The following FER variants were observed in gnomAD, a reference collection of about 807,000 sequenced individuals.
The protein encoded by FER is FER tyrosine kinase.
FER carries 63 observed loss-of-function variants against 111.0 expected under a neutral mutation model. That is an observed-to-expected ratio of 0.57 (90% CI 0.46 to 0.70). The LOEUF is 0.70. Among genes scored for constraint, FER ranks in the 30% least tolerant of loss-of-function variants. The pLI, the probability that FER is intolerant of heterozygous loss-of-function variation, is 0.00. For synonymous variants in FER, 327 were observed against 313.9 expected, an observed-to-expected ratio of 1.04 and a Z score of -0.44; for missense variants, 914 against 954.0, an observed-to-expected ratio of 0.96 and a Z score of 0.55.
chr5:108,819,700 T>C lies in FER; in HGVS notation c.208-13070T>C, dbSNP rs939242251. 4.1e-6 allele frequency: 3 copies of C among 723,818 alleles called. No homozygotes were observed. The African/African-American group carries it at 5.8e-5, about 14-fold the overall frequency. 44.8% of individuals were successfully genotyped at this position (723,818 alleles called of 1,614,324 possible). ...TAATAGGAGTCAGGTTGGAAAGAACTAATGGAGACCATCAATTCCACCTGT... is the reference window on the plus strand; with the variant it reads ...TAATAGGAGTCAGGTTGGAAAGAACCAATGGAGACCATCAATTCCACCTGT... On this transcript the variant is annotated intron_variant, in intron 3 of 19. Transcript: ENST00000281092.
intron 5 of FER, among the ~76,000 whole-genome samples, chr5:108,849,463 G>GTTGTTGTTTTGTT (rs1762338235): frequency 1.3e-5 from 2 of 150,166 alleles, no homozygotes; most frequent in African/African-American, 4.9e-5. Context: ...TTTTGTTGTT[G>GTTGTTGTTTTGTT]TTGTTGTTGT....
chr5:108,793,984 A>G (rs958228427), intron 2 of FER, among the ~76,000 whole-genome samples: 1 of 152,034 alleles, frequency 6.6e-6, no homozygotes, highest in Non-Finnish European at 1.5e-5. Flanking sequence ...TCATTGTACT[A>G]TGTCTTGAAA....
intron 16 of FER, among the ~76,000 whole-genome samples, chr5:109,093,260 G>T (rs900055224): frequency 7.2e-5 from 11 of 152,080 alleles, no homozygotes; most frequent in Non-Finnish European, 8.8e-5. Context: ...AATTTATGTG[G>T]TTTTTACCAC....
chr5:109,059,384 T>C lies in FER; in HGVS notation c.1924+12186T>C, dbSNP rs374510784. Among the ~76,000 whole-genome samples the C allele has an allele frequency of 5.9e-3, 879 of 148,872 alleles. 5 individuals are homozygous for C. Among genetic ancestry groups the C allele is most frequent in the African/African-American group, 0.021 (838 of 40,704 alleles). ...CTAAAAAAAAAAAAAAAAAATTAGC[T>C]GGGTGTGGTGGCGCACGCCTGTAGT... is the stretch of plus-strand genomic sequence containing the variant. On this transcript the variant is annotated intron_variant, in intron 16 of 19. Transcript: ENST00000281092.
At chr5:109,005,635 G>C (rs1352302185) in intron 13 of FER, among the ~76,000 whole-genome samples, 1 of 152,206 alleles carries the variant, frequency 6.6e-6, no homozygotes, top group African/African-American at 2.4e-5. Context: ...GGTTTAGACA[G>C]AGGAGTTCCA....
intron 2 of FER, among the ~76,000 whole-genome samples, chr5:108,784,755 T>G (rs573339710): frequency 7.9e-5 from 12 of 152,230 alleles, no homozygotes; most frequent in Non-Finnish European, 4.4e-5. Flanking sequence ...AGGGATGGGC[T>G]CTGGCTAATT....
intron 9 of FER, among the ~76,000 whole-genome samples, chr5:108,893,601 TAAG>T (rs1489270972): frequency 6.6e-6 from 1 of 151,954 alleles, no homozygotes; most frequent in East Asian, 1.9e-4. Flanking sequence ...ACAACAACAA[TAAG>T]AACAAAAACA....
intron 16 of FER, among the ~76,000 whole-genome samples, chr5:109,072,419 A>G (rs1414396622): frequency 1.3e-5 from 2 of 151,324 alleles, no homozygotes; most frequent in Non-Finnish European, 3.0e-5. Context: ...CCAACCTAAT[A>G]TTTTTCAGAG....
At chr5:108,983,084 G>T (rs1031555070) in intron 13 of FER, among the ~76,000 whole-genome samples, 2 of 151,984 alleles carry the variant, frequency 1.3e-5, no homozygotes, top group African/African-American at 4.8e-5. Context: ...TATGTATTCA[G>T]TAAATATTTG....
chr5:109,055,416 G>A (rs1316082336), intron 16 of FER, among the ~76,000 whole-genome samples: 1 of 152,194 alleles, frequency 6.6e-6, no homozygotes, highest in African/African-American at 2.4e-5. Flanking sequence ...TCATATACCT[G>A]ATAAGGGGTT....
At chr5:109,035,251 A>G (rs1242487164) in intron 13 of FER, among the ~76,000 whole-genome samples, 1 of 151,778 alleles carries the variant, frequency 6.6e-6, no homozygotes, top group Non-Finnish European at 1.5e-5. Flanking sequence ...CAGGAGTTGA[A>G]CATTTTTATA....
intron 10 of FER, among the ~76,000 whole-genome samples, chr5:108,942,325 C>T (rs971963302): frequency 6.6e-5 from 10 of 152,096 alleles, no homozygotes; most frequent in African/African-American, 2.2e-4. Flanking sequence ...TCTAGGTTTC[C>T]TTAGCATTGT....
At chr5:108,953,396 A>G (rs1726704900) in intron 11 of FER, among the ~76,000 whole-genome samples, 1 of 152,054 alleles carries the variant, frequency 6.6e-6, no homozygotes, top group South Asian at 2.1e-4. Context: ...CAAAACTTCC[A>G]TATATAGTCA....
At chr5:108,829,371 C>G (rs1027769046) in intron 3 of FER, among the ~76,000 whole-genome samples, 1 of 152,202 alleles carries the variant, frequency 6.6e-6, no homozygotes, top group Non-Finnish European at 1.5e-5. Flanking sequence ...TGCATGGTGG[C>G]TCACACCTGT....
At chr5:109,140,093 GT>G (rs1467151492) in intron 17 of FER, among the ~76,000 whole-genome samples, 4 of 152,236 alleles carry the variant, frequency 2.6e-5, no homozygotes, top group East Asian at 3.9e-4. Context: ...AAAGTATTTA[GT>G]TTTTTCTACT....
At position 108,828,677 on chromosome 5, in the gene FER, T is replaced by C. The variant is rs190699496; in HGVS notation, c.208-4093T>C. Among the ~76,000 whole-genome samples the C allele has an allele frequency of 3.8e-4, 58 of 152,350 alleles. No homozygotes were observed. In the East Asian group the frequency reaches 0.011, roughly 28 times the overall value. On this transcript the variant is annotated intron_variant, in intron 3 of 19. Coordinates refer to ENST00000281092, the MANE Select transcript of FER (RefSeq NM_005246.4). ...ATATTTTTTAACCTGTCTATAACTTTCAGCATCAGTGACTTCCTACTGGTA... is the reference window on the plus strand; with the variant it reads ...ATATTTTTTAACCTGTCTATAACTTCCAGCATCAGTGACTTCCTACTGGTA...
chr5:108,770,587 G>A (rs904602227), intron 2 of FER, among the ~76,000 whole-genome samples: 11 of 151,736 alleles, frequency 7.2e-5, no homozygotes, highest in Non-Finnish European at 1.3e-4. Context: ...TTGTTATGTT[G>A]TGCAGGCTGT....
rs556930002 is a variant in FER at position 109,103,011 on chromosome 5, GA to G, written c.2048+2500del. 4.3e-3 allele frequency among the ~76,000 whole-genome samples: 649 copies of G among 151,238 alleles called. 2 individuals carry two copies. Among genetic ancestry groups the G allele is most frequent in the Admixed American group, 7.4e-3 (113 of 15,214 alleles). ...GTTTTTGCTCCTAAGAAATATGAAA[GA>G]AAAAAAATATAGGATTTACTACAGT... is the stretch of plus-strand genomic sequence containing the variant. On this transcript the variant is annotated intron_variant, in intron 17 of 19. Coordinates refer to ENST00000281092, the MANE Select transcript of FER (RefSeq NM_005246.4).
chr5:108,790,307 C>G (rs867428726), intron 2 of FER, among the ~76,000 whole-genome samples: 1 of 150,916 alleles, frequency 6.6e-6, no homozygotes, highest in Admixed American at 6.6e-5. Flanking sequence ...GATTTTTTTT[C>G]TCTATTTGGA....
Sources: allele counts gnomAD v4.1 joint callset (sites outside exome capture counted in the v4.1 genomes callset), GRCh38; gene constraint gnomAD v4.1.1; transcripts MANE v1.5; gene names NCBI Gene and HGNC (gene_info 2026-07-23, HGNC 2026-07-21).